The following PITPNB variants were observed in gnomAD, a reference collection of about 807,000 sequenced individuals.
PITPNB encodes the protein phosphatidylinositol transfer protein beta isoform.
In PITPNB, 16 loss-of-function variants were observed where a neutral mutation model predicts 45.9. The observed-to-expected ratio is 0.35, with a 90% CI of 0.24 to 0.53. PITPNB has a LOEUF of 0.53. Ranked by LOEUF, PITPNB falls within the 20% of genes least tolerant of loss-of-function variation. The pLI, the probability that PITPNB is intolerant of heterozygous loss-of-function variation, is 0.93. For synonymous variants in PITPNB, 112 were observed against 108.9 expected (o/e 1.03, Z -0.18); for missense variants, 188 against 330.5 (o/e 0.57, Z 3.34).
At chr22:27,859,675 C>T (rs188363144) in intron 9 of PITPNB, among the ~76,000 whole-genome samples, 122 of 152,278 alleles carry the variant, frequency 8.0e-4, no homozygotes, top group Non-Finnish European at 1.5e-3. Context: ...CAGTAAAGAC[C>T]TCTAAAGAAG....
intron 7 of PITPNB, among the ~76,000 whole-genome samples, chr22:27,877,454 G>A (rs2146371735): frequency 6.6e-6 from 1 of 152,186 alleles, no homozygotes. Context: ...GTAAATAAAT[G>A]GATTACTGAG....
intron 7 of PITPNB, 92 bp from the exon 8 acceptor site, chr22:27,873,907 A>G: frequency 1.3e-6 from 1 of 799,168 alleles, no homozygotes; most frequent in Non-Finnish European, 2.2e-6. Flanking sequence ...ACCAAAACAC[A>G]GGACAGAAAT....
intron 3 of PITPNB, among the ~76,000 whole-genome samples, chr22:27,899,443 C>T (rs1265171505): frequency 6.6e-6 from 1 of 152,198 alleles, no homozygotes; most frequent in East Asian, 1.9e-4. Flanking sequence ...CTGCCTCAGG[C>T]TCCCGAATAG....
intron 1 of PITPNB, among the ~76,000 whole-genome samples, chr22:27,917,411 CA>C (rs1278928899): frequency 2.0e-5 from 3 of 152,194 alleles, no homozygotes; most frequent in Admixed American, 2.0e-4. Context: ...TGGTCCAAGT[CA>C]ATTTCCTTCT....
intron 8 of PITPNB, among the ~76,000 whole-genome samples, chr22:27,867,217 G>A (rs562159229): frequency 3.3e-5 from 5 of 152,084 alleles, no homozygotes; most frequent in East Asian, 1.9e-4. Flanking sequence ...AAAGCCTACC[G>A]TTTAAAATTC....
chr22:27,904,655 A>G (rs942758849), intron 3 of PITPNB, among the ~76,000 whole-genome samples: 1 of 152,280 alleles, frequency 6.6e-6, no homozygotes, highest in Non-Finnish European at 1.5e-5. Flanking sequence ...TTTTAAAGTC[A>G]GAAAAAGAAT....
chr22:27,892,377 G>GT (rs1935304857), intron 7 of PITPNB, among the ~76,000 whole-genome samples: 1 of 152,170 alleles, frequency 6.6e-6, no homozygotes. Flanking sequence ...AAAACCAAAG[G>GT]TATCTTGTAC....
At position 27,914,349 on chromosome 22, in the gene PITPNB, TA is replaced by T; in HGVS notation, c.21-3del. ...ACAGAACATGGCAAAACCACACGGCTAAAAAGACAAAAGAAAAAATATATAT... is the reference window on the plus strand; with the variant it reads ...ACAGAACATGGCAAAACCACACGGCTAAAAGACAAAAGAAAAAATATATAT... On this transcript the variant is annotated splice_polypyrimidine_tract_variant and splice_region_variant and intron_variant, in intron 1 of 11. Coordinates refer to ENST00000335272, the MANE Select transcript of PITPNB (RefSeq NM_012399.5). 1.3e-6 allele frequency: 2 copies of T among 1,583,060 alleles called. No homozygotes were observed. Among genetic ancestry groups the T allele is most frequent in the South Asian group, 1.1e-5 (1 of 89,840 alleles).
chr22:27,885,554 G>A (rs1421475816), intron 7 of PITPNB, among the ~76,000 whole-genome samples: 1 of 152,122 alleles, frequency 6.6e-6, no homozygotes, highest in Non-Finnish European at 1.5e-5. Flanking sequence ...CTGTTGCCCA[G>A]GCTGGAGTAC....
In PITPNB at chr22:27,889,647, G is replaced by C. The variant is rs555276549; in HGVS notation, c.456+4908C>G. ...GAAATCCTACAGCACTTTGGACCAC[G>C]CTGTAAGCCTCTGCCACTTGTTAAC... On this transcript the variant is annotated intron_variant, in intron 7 of 11. Coordinates refer to ENST00000335272, the MANE Select transcript of PITPNB (RefSeq NM_012399.5). Among the ~76,000 whole-genome samples, 5 of 152,228 alleles carry C rather than the reference G, an allele frequency of 3.3e-5. No individual in the cohort carries two copies. The South Asian group carries it at 8.3e-4, about 25-fold the overall frequency.
At chr22:27,916,396 GTAAC>G (rs1936076671) in intron 1 of PITPNB, among the ~76,000 whole-genome samples, 1 of 152,192 alleles carries the variant, frequency 6.6e-6, no homozygotes, top group Non-Finnish European at 1.5e-5. Flanking sequence ...AATGGAATCA[GTAAC>G]TAGTTCTTTA....
intron 6 of PITPNB, 65 bp downstream of exon 6, chr22:27,896,487 T>G (rs1208517521): frequency 1.2e-5 from 12 of 1,041,146 alleles, no homozygotes; most frequent in Non-Finnish European, 1.8e-5. Context: ...GATGACAAAG[T>G]GAACTACATA....
At position 27,919,147 on chromosome 22, in the gene PITPNB, C is replaced by T. The variant is rs777175100; in HGVS notation, c.20+25G>A. On this transcript the variant is annotated intron_variant, in intron 1 of 11. Coordinates refer to ENST00000335272, the MANE Select transcript of PITPNB (RefSeq NM_012399.5). The stretch of plus-strand genomic sequence containing the variant: ...TCCCATCACTGCCGTCCCACGGCCT[C>T]GCTCGCGCCCACAGACCCACTCACA... 3.7e-6 allele frequency: 6 copies of T among 1,614,044 alleles called. No homozygotes were observed. The South Asian group carries it at 6.6e-5, about 18-fold the overall frequency.
intron 7 of PITPNB, among the ~76,000 whole-genome samples, chr22:27,882,858 C>T (rs1228573650): frequency 1.3e-5 from 2 of 152,238 alleles, no homozygotes; most frequent in Non-Finnish European, 1.5e-5. Flanking sequence ...AAGAAACTCA[C>T]TCTCTTTAGA....
intron 8 of PITPNB, among the ~76,000 whole-genome samples, chr22:27,862,479 T>C (rs1408622144): frequency 1.3e-5 from 2 of 152,220 alleles, no homozygotes; most frequent in Non-Finnish European, 1.5e-5. Context: ...ACCTGATACA[T>C]GGGCTACATC....
In PITPNB at chr22:27,856,108, C is replaced by T. The variant is rs1166312716; in HGVS notation, c.769-1169G>A. Reference sequence around the variant, plus strand: ...GCAAAATAACTTAAATGGGATTCAACGTTAAGATGCACCACTTAATGGTGA... The same window carrying T: ...GCAAAATAACTTAAATGGGATTCAATGTTAAGATGCACCACTTAATGGTGA... On this transcript the variant is annotated intron_variant, in intron 10 of 11. Transcript: ENST00000335272. 3.3e-5 allele frequency among the ~76,000 whole-genome samples: 5 copies of T among 152,274 alleles called. No homozygotes were observed. In the East Asian group the frequency reaches 5.8e-4, roughly 18 times the overall value.
intron 7 of PITPNB, among the ~76,000 whole-genome samples, chr22:27,893,378 G>A (rs1435301662): frequency 5.3e-5 from 8 of 150,310 alleles, no homozygotes; most frequent in Admixed American, 2.7e-4. Context: ...TCCGCCTCCC[G>A]GGCTCATGCC....
chr22:27,860,895 G>A (rs961385039), intron 8 of PITPNB, among the ~76,000 whole-genome samples: 6 of 151,922 alleles, frequency 3.9e-5, no homozygotes, highest in African/African-American at 1.5e-4. Flanking sequence ...TTTTTTTAAA[G>A]AGCCAAGAGA....
intron 1 of PITPNB, among the ~76,000 whole-genome samples, chr22:27,917,594 A>G (rs1395999229): frequency 6.6e-6 from 1 of 152,220 alleles, no homozygotes; most frequent in African/African-American, 2.4e-5. Flanking sequence ...CACTCTACCA[A>G]AAAAAGGCAA....
Sources: allele counts gnomAD v4.1 joint callset (sites outside exome capture counted in the v4.1 genomes callset), GRCh38; gene constraint gnomAD v4.1.1; transcripts MANE v1.5; gene names NCBI Gene and HGNC (gene_info 2026-07-23, HGNC 2026-07-21).